ATP10B: variants seen among roughly 807,000 people sequenced by gnomAD.
The protein encoded by ATP10B is phospholipid-transporting ATPase VB.
ATP10B carries 122 observed loss-of-function variants against 141.2 expected under a neutral mutation model. The ratio of observed to expected loss-of-function variants is 0.86; its 90% CI spans 0.75 to 1.00. The LOEUF is 1.00. Ranked by LOEUF, ATP10B falls within the 50% of genes least tolerant of loss-of-function variation. The pLI is 0.00. For missense variants in ATP10B, 1,876 were observed against 1,825.3 expected (o/e 1.03, Z -0.51); for synonymous variants, 685 against 692.0 (o/e 0.99, Z 0.16).
At chr5:160,768,495 C>A (rs1453191972) in intron 2 of ATP10B, among the ~76,000 whole-genome samples, 2 of 152,122 alleles carry the variant, frequency 1.3e-5, no homozygotes, top group African/African-American at 4.8e-5. Context: ...CCTCACTTTC[C>A]AGGTCCATAG....
At chr5:160,758,287 G>T (rs1768780689) in intron 2 of ATP10B, among the ~76,000 whole-genome samples, 2 of 152,002 alleles carry the variant, frequency 1.3e-5, no homozygotes, top group Non-Finnish European at 2.9e-5. Flanking sequence ...TCTGTAACTT[G>T]AGTATATAAC....
the ATP10B span, among the ~76,000 whole-genome samples, chr5:160,889,778 C>G: frequency 6.6e-6 from 1 of 152,168 alleles, no homozygotes; most frequent in African/African-American, 2.4e-5. Context: ...CTGAATAGGC[C>G]TGCAGGGATC....
intron 2 of ATP10B, among the ~76,000 whole-genome samples, chr5:160,717,236 G>A (rs1765716527): frequency 6.6e-6 from 1 of 152,058 alleles, no homozygotes; most frequent in Non-Finnish European, 1.5e-5. Context: ...AGAAGGAGAG[G>A]AATTGGAGGA....
intron 2 of ATP10B, among the ~76,000 whole-genome samples, chr5:160,762,277 G>C (rs1021251467): frequency 6.6e-6 from 1 of 152,134 alleles, no homozygotes; most frequent in Non-Finnish European, 1.5e-5. Flanking sequence ...GTTATCTAAA[G>C]TCAGGATGAA....
chr5:160,652,859 TTATATATAATATATATAATA>T (rs1228508413), intron 7 of ATP10B, among the ~76,000 whole-genome samples: 2 of 74,046 alleles, frequency 2.7e-5, no homozygotes, highest in East Asian at 3.0e-4. Flanking sequence ...AGATTATAAA[TTATATATAATATATATAATA>T]TATATATAAT....
chr5:160,728,072 G>A (rs1766482547), intron 2 of ATP10B, among the ~76,000 whole-genome samples: 1 of 150,008 alleles, frequency 6.7e-6, no homozygotes, highest in African/African-American at 2.5e-5. Flanking sequence ...CCTACCCAGA[G>A]AAGTCTATGT....
intron 2 of ATP10B, among the ~76,000 whole-genome samples, chr5:160,718,194 C>T (rs1418425886): frequency 2.6e-5 from 4 of 152,216 alleles, no homozygotes; most frequent in South Asian, 2.1e-4. Context: ...CGTACACTGA[C>T]GTCCCTAGTG....
At chr5:160,762,736 A>G (rs1333213347) in intron 2 of ATP10B, among the ~76,000 whole-genome samples, 1 of 152,196 alleles carries the variant, frequency 6.6e-6, no homozygotes, top group Non-Finnish European at 1.5e-5. Flanking sequence ...TGTTGAATGT[A>G]AATGGCCTAA....
intron 6 of ATP10B, among the ~76,000 whole-genome samples, chr5:160,676,763 G>A (rs1438263107): frequency 1.3e-5 from 2 of 152,164 alleles, no homozygotes; most frequent in Admixed American, 1.3e-4. Context: ...TAGCTTACAT[G>A]TATTGACTAC....
At chr5:160,746,270 G>A (rs1581453625) in intron 2 of ATP10B, among the ~76,000 whole-genome samples, 1 of 152,310 alleles carries the variant, frequency 6.6e-6, no homozygotes, top group African/African-American at 2.4e-5. Flanking sequence ...GAGCCCTGGT[G>A]GGGGTTATAT....
intron 2 of ATP10B, among the ~76,000 whole-genome samples, chr5:160,754,693 C>G (rs573185024): frequency 6.6e-6 from 1 of 152,262 alleles, no homozygotes; most frequent in Non-Finnish European, 1.5e-5. Flanking sequence ...GATGGGCAGG[C>G]TAATCACCAA....
At chr5:160,652,780 A>G (rs1760865148) in intron 7 of ATP10B, among the ~76,000 whole-genome samples, 1 of 98,882 alleles carries the variant, frequency 1.0e-5, no homozygotes, top group South Asian at 2.6e-4. Flanking sequence ...AAATATAAAT[A>G]TATATAAAAA....
chr5:160,751,730 G>A (rs1206701588), intron 2 of ATP10B, among the ~76,000 whole-genome samples: 5 of 152,160 alleles, frequency 3.3e-5, no homozygotes, highest in Admixed American at 3.3e-4. Context: ...AGGAGGAATT[G>A]TAAAATGTTT....
At chr5:160,772,711 G>T (rs935745048) in intron 2 of ATP10B, among the ~76,000 whole-genome samples, 9 of 152,192 alleles carry the variant, frequency 5.9e-5, no homozygotes, top group Non-Finnish European at 1.0e-4. Flanking sequence ...ATGCTCATCT[G>T]CTGCTCACCT....
chr5:160,591,373 A>G (rs1317624381), intron 22 of ATP10B, among the ~76,000 whole-genome samples: 2 of 152,218 alleles, frequency 1.3e-5, no homozygotes, highest in African/African-American at 2.4e-5. Flanking sequence ...TTCTTCTTCC[A>G]TTAAATGTGG....
chr5:160,635,210 A>G (rs1238879892), intron 11 of ATP10B, among the ~76,000 whole-genome samples: 1 of 152,160 alleles, frequency 6.6e-6, no homozygotes, highest in Non-Finnish European at 1.5e-5. Context: ...GAACAGAGAT[A>G]TGAGGAAGTC....
At chr5:160,794,597 A>G (rs904857683) in intron 1 of ATP10B, among the ~76,000 whole-genome samples, 1 of 152,188 alleles carries the variant, frequency 6.6e-6, no homozygotes, top group African/African-American at 2.4e-5. Flanking sequence ...ACATGGAGGA[A>G]GCCTTTTTGC....
intron 3 of ATP10B, among the ~76,000 whole-genome samples, chr5:160,714,946 C>G (rs1447737114): frequency 1.5e-5 from 2 of 130,926 alleles, no homozygotes; most frequent in Admixed American, 1.5e-4. Flanking sequence ...GGGTCAGGGA[C>G]CCACTTGAGG....
chr5:160,677,774 C>A (rs886425942), intron 6 of ATP10B, among the ~76,000 whole-genome samples: 1 of 152,196 alleles, frequency 6.6e-6, no homozygotes, highest in Non-Finnish European at 1.5e-5. Context: ...ACTTTTAGGG[C>A]AAAGATAGGC....
Sources: allele counts gnomAD v4.1 joint callset (sites outside exome capture counted in the v4.1 genomes callset), GRCh38; gene constraint gnomAD v4.1.1; transcripts MANE v1.5; gene names NCBI Gene and HGNC (gene_info 2026-07-23, HGNC 2026-07-21).